TMEM170B: variants seen among roughly 807,000 people sequenced by gnomAD.
TMEM170B encodes the protein transmembrane protein 170B.
A neutral mutation model predicts 13.0 loss-of-function variants in TMEM170B; 6 were observed. The ratio of observed to expected loss-of-function variants is 0.46; its 90% CI spans 0.25 to 0.91. The LOEUF is 0.91. Ranked by LOEUF, TMEM170B falls within the 40% of genes least tolerant of loss-of-function variation. The pLI, the probability that TMEM170B is intolerant of heterozygous loss-of-function variation, is 0.17. For synonymous variants in TMEM170B, 61 were observed against 64.9 expected, an observed-to-expected ratio of 0.94 and a Z score of 0.29; for missense variants, 138 against 165.2, an observed-to-expected ratio of 0.84 and a Z score of 0.90.
intron 1 of TMEM170B, among the ~76,000 whole-genome samples, chr6:11,562,194 T>C (rs1582143844): frequency 6.6e-6 from 1 of 152,084 alleles, no homozygotes; most frequent in Non-Finnish European, 1.5e-5. Flanking sequence ...CCTTATATTC[T>C]CACTTTATTA....
At chr6:11,553,493 T>A (rs1759550160) in intron 1 of TMEM170B, among the ~76,000 whole-genome samples, 1 of 152,188 alleles carries the variant, frequency 6.6e-6, no homozygotes, top group Non-Finnish European at 1.5e-5. Flanking sequence ...AGTAATAGGA[T>A]CCTTGAATGT....
chr6:11,538,678 G>A (rs918509672), intron 1 of TMEM170B, among the ~76,000 whole-genome samples: 1 of 152,218 alleles, frequency 6.6e-6, no homozygotes, highest in Admixed American at 6.5e-5. Flanking sequence ...CTTTAGTGCT[G>A]AGACTTGAGC....
At chr6:11,546,040 AGCTGT>A (rs1759436144) in intron 1 of TMEM170B, among the ~76,000 whole-genome samples, 1 of 150,020 alleles carries the variant, frequency 6.7e-6, no homozygotes, top group Non-Finnish European at 1.5e-5. Flanking sequence ...AAAAAAGGCA[AGCTGT>A]AAAACAGCCT....
intron 1 of TMEM170B, among the ~76,000 whole-genome samples, chr6:11,548,258 G>A (rs1022672375): frequency 1.3e-5 from 2 of 152,070 alleles, no homozygotes; most frequent in Non-Finnish European, 2.9e-5. Flanking sequence ...ATCAAAAAGT[G>A]GGCAAAGGAT....
intron 2 of TMEM170B, among the ~76,000 whole-genome samples, chr6:11,572,178 A>G (rs886721860): frequency 6.6e-6 from 1 of 152,156 alleles, no homozygotes; most frequent in Non-Finnish European, 1.5e-5. Flanking sequence ...GTCATGGAGA[A>G]ACTCTTGACT....
At chr6:11,542,500 G>A (rs368933209) in intron 1 of TMEM170B, among the ~76,000 whole-genome samples, 3 of 151,506 alleles carry the variant, frequency 2.0e-5, no homozygotes, top group South Asian at 2.1e-4. Context: ...GGACTGAGGC[G>A]GGACTGAGGA....
chr6:11,573,226 T>G (rs1447959908), intron 2 of TMEM170B, among the ~76,000 whole-genome samples: 1 of 152,196 alleles, frequency 6.6e-6, no homozygotes, highest in East Asian at 1.9e-4. Flanking sequence ...ATTTTAAAGT[T>G]TAGATGTGTA....
At position 11,580,947 on chromosome 6, in the gene TMEM170B, CACTT is replaced by C. The variant is rs1473364493; in HGVS notation, c.*5388_*5391del. On this transcript the variant is annotated 3_prime_UTR_variant, in exon 3 of 3. Transcript: ENST00000379426. ...TGTGTGGTGACAGGTTTGCTCTTCT[CACTT>C]AAGGAGCTCTGGTCTGTGTAGGCAG... The C allele has an allele frequency of 1.3e-5, 2 of 152,194 alleles. No individual in the cohort carries two copies. Among genetic ancestry groups the C allele is most frequent in the Non-Finnish European group, 2.9e-5 (2 of 68,030 alleles). The allele number at this position is 152,194 out of a possible 1,614,324, so 9.4% of individuals were successfully genotyped here. A position where few individuals can be genotyped will look rare whatever the true frequency, so the allele number is the denominator to read the frequency against.
At chr6:11,572,591 T>C (rs1759819185) in intron 2 of TMEM170B, among the ~76,000 whole-genome samples, 1 of 152,132 alleles carries the variant, frequency 6.6e-6, no homozygotes, top group South Asian at 2.1e-4. Flanking sequence ...GAAGTTAAGT[T>C]AGAGTTTAAA....
In TMEM170B at chr6:11,575,403, C is replaced by T; in HGVS notation, c.269-28C>T. 1 of 1,612,562 alleles carries T rather than the reference C, an allele frequency of 6.2e-7. No individual in the cohort carries two copies. The highest frequency in any genetic ancestry group is 8.5e-7 in the Non-Finnish European group (1 of 1,179,042). On this transcript the variant is annotated intron_variant, in intron 2 of 2. Coordinates refer to ENST00000379426, the MANE Select transcript of TMEM170B (RefSeq NM_001100829.3). The surrounding 1 kb of genome is among the most constrained non-coding windows in gnomAD (Gnocchi z 4.1). ...GTGTTATAAAACGAGTGACTGTATC[C>T]CTTCATTTTTCTCCCGTTTCTCCTT...
At chr6:11,571,174 GC>G (rs1264720712) in intron 2 of TMEM170B, among the ~76,000 whole-genome samples, 1 of 41,456 alleles carries the variant, frequency 2.4e-5, no homozygotes, top group Admixed American at 4.8e-4. Flanking sequence ...TCATATGCTT[GC>G]TTTTTTTTTT....
intron 2 of TMEM170B, among the ~76,000 whole-genome samples, chr6:11,574,531 CTTTTATCTAACCAT>C (rs1759849442): frequency 6.6e-6 from 1 of 152,074 alleles, no homozygotes. Context: ...GTCTTATGTT[CTTTTATCTAACCAT>C]TTTAGGATAT....
chr6:11,547,414 A>G (rs756358724), intron 1 of TMEM170B, among the ~76,000 whole-genome samples: 2 of 135,112 alleles, frequency 1.5e-5, no homozygotes, highest in Non-Finnish European at 3.3e-5. Context: ...GCTTAAGTAG[A>G]AAAAATTACT....
chr6:11,538,881 C>G (rs1759321637), intron 1 of TMEM170B, among the ~76,000 whole-genome samples: 1 of 152,174 alleles, frequency 6.6e-6, no homozygotes, highest in African/African-American at 2.4e-5. Flanking sequence ...ATGTAGATAA[C>G]TGAGTAAATT....
chr6:11,543,109 A>G (rs566237), intron 1 of TMEM170B, among the ~76,000 whole-genome samples: 45,386 of 151,984 alleles, frequency 0.3, 7,025 homozygotes, highest in South Asian at 0.5. Context: ...CTCTTTGTAC[A>G]TATTTTTATT....
At chr6:11,559,626 A>G (rs920773384) in intron 1 of TMEM170B, among the ~76,000 whole-genome samples, 4 of 152,178 alleles carry the variant, frequency 2.6e-5, no homozygotes, top group Non-Finnish European at 2.9e-5. Flanking sequence ...TTATAAATGT[A>G]TCATCTCTCT....
intron 1 of TMEM170B, among the ~76,000 whole-genome samples, chr6:11,540,397 A>G (rs1264646553): frequency 6.6e-6 from 1 of 152,230 alleles, no homozygotes; most frequent in Non-Finnish European, 1.5e-5. Context: ...CACGGTGTTC[A>G]CATGATCTTC....
chr6:11,575,618 A>G lies in TMEM170B; in HGVS notation c.*57A>G. Reference sequence around the variant, plus strand: ...GGAAACAGATGTACAGATTCCCTGAAAACGGCATTGTTAACAAGTGGAAAT... The same window carrying G: ...GGAAACAGATGTACAGATTCCCTGAGAACGGCATTGTTAACAAGTGGAAAT... On this transcript the variant is annotated 3_prime_UTR_variant, in exon 3 of 3. Transcript: ENST00000379426. The surrounding 1 kb of genome is among the most constrained non-coding windows in gnomAD (Gnocchi z 4.1). The G allele has an allele frequency of 6.3e-7, 1 of 1,594,780 alleles. No homozygotes were observed. The highest frequency in any genetic ancestry group is 2.2e-5 in the East Asian group (1 of 44,650).
At chr6:11,545,187 G>A (rs1054848442) in intron 1 of TMEM170B, among the ~76,000 whole-genome samples, 3 of 151,988 alleles carry the variant, frequency 2.0e-5, no homozygotes, top group African/African-American at 7.3e-5. Context: ...CAAATGTAGG[G>A]GCAGGTGTTC....
Sources: allele counts gnomAD v4.1 joint callset (sites outside exome capture counted in the v4.1 genomes callset), GRCh38; gene constraint gnomAD v4.1.1; non-coding constraint Gnocchi (gnomAD v3.1); transcripts MANE v1.5; gene names NCBI Gene and HGNC (gene_info 2026-07-23, HGNC 2026-07-21).